The following CFAP299 variants were observed in gnomAD, a reference collection of about 807,000 sequenced individuals.
CFAP299 encodes the protein cilia and flagella associated protein 299.
In CFAP299, 21 loss-of-function variants were observed where a neutral mutation model predicts 27.0. The observed-to-expected ratio is 0.78, with a 90% CI of 0.55 to 1.12. The LOEUF (loss-of-function observed/expected upper bound fraction) is 1.12. CFAP299 is among the 50% of genes most tolerant of loss of function. The probability of loss-of-function intolerance (pLI) is 0.00; values close to 1 mark genes in which losing one functional copy is unlikely to be tolerated. For missense variants in CFAP299, 310 were observed against 276.6 expected, an observed-to-expected ratio of 1.12 and a Z score of -0.86; for synonymous variants, 104 against 98.1, an observed-to-expected ratio of 1.06 and a Z score of -0.36.
chr4:80,882,429 G>C (rs149691223), intron 4 of CFAP299, among the ~76,000 whole-genome samples: 1 of 152,130 alleles, frequency 6.6e-6, no homozygotes, highest in Non-Finnish European at 1.5e-5. Context: ...ACGAGGTCAG[G>C]AGATCGAGAC....
intron 2 of CFAP299, among the ~76,000 whole-genome samples, chr4:80,432,358 G>C (rs1727860178): frequency 6.6e-6 from 1 of 151,808 alleles, no homozygotes; most frequent in Admixed American, 6.6e-5. Context: ...TCACCATGTT[G>C]ATCAGGCTGG....
Position 80,535,372 on chromosome 4 carries a change from G to A in CFAP299, c.243-47721G>A. Among the ~76,000 whole-genome samples, 2 of 127,780 alleles carry A rather than the reference G, an allele frequency of 1.6e-5. 1 individual carries two copies. Among genetic ancestry groups the A allele is most frequent in the South Asian group, 5.2e-4 (2 of 3,832 alleles). The allele number at this position is 127,780 out of a possible 152,430, so 83.8% of individuals were successfully genotyped here. On this transcript the variant is annotated intron_variant, in intron 2 of 5. Coordinates refer to ENST00000358105, the MANE Select transcript of CFAP299 (RefSeq NM_152770.3). Reference sequence around the variant, plus strand: ...TAGCCGGGCGTAGTGGCGGGCGCCTGTAGTCCCAGCTACTTGGGAGGCTGA... The same window carrying A: ...TAGCCGGGCGTAGTGGCGGGCGCCTATAGTCCCAGCTACTTGGGAGGCTGA...
chr4:80,330,313 T>C, the CFAP299 span, among the ~76,000 whole-genome samples: 1 of 152,186 alleles, frequency 6.6e-6, no homozygotes, highest in Non-Finnish European at 1.5e-5. Flanking sequence ...ATAGTTCTGA[T>C]GATCACGTCT....
At chr4:80,575,379 G>T (rs545498389) in intron 2 of CFAP299, among the ~76,000 whole-genome samples, 1 of 150,584 alleles carries the variant, frequency 6.6e-6, no homozygotes, top group South Asian at 2.1e-4. Context: ...AGGCTGGGAT[G>T]CAGTGGCACT....
chr4:80,495,425 G>A (rs1222016105), intron 2 of CFAP299, among the ~76,000 whole-genome samples: 7 of 152,114 alleles, frequency 4.6e-5, no homozygotes, highest in African/African-American at 1.7e-4. Context: ...AGAATTATAT[G>A]TACCCATTTT....
chr4:80,542,702 T>C (rs1734059360), intron 2 of CFAP299, among the ~76,000 whole-genome samples: 1 of 151,962 alleles, frequency 6.6e-6, no homozygotes, highest in Non-Finnish European at 1.5e-5. Flanking sequence ...TAGCCTCACC[T>C]ACCCTGCCAG....
intron 3 of CFAP299, among the ~76,000 whole-genome samples, chr4:80,854,809 TGAA>T (rs1731733989): frequency 1.5e-5 from 1 of 67,892 alleles, no homozygotes; most frequent in Admixed American, 2.1e-4. Context: ...GCTGTTGCTA[TGAA>T]AAAAAAAAAA....
chr4:80,504,880 CT>C (rs1347439776), intron 2 of CFAP299, among the ~76,000 whole-genome samples: 3 of 147,034 alleles, frequency 2.0e-5, no homozygotes, highest in African/African-American at 7.4e-5. Context: ...ATTCATCCCC[CT>C]ATTTTATATG....
chr4:80,427,405 A>G (rs1445567306), intron 2 of CFAP299, among the ~76,000 whole-genome samples: 2 of 152,168 alleles, frequency 1.3e-5, no homozygotes, highest in Non-Finnish European at 2.9e-5. Flanking sequence ...ATTGCTATGC[A>G]ATTATATAAC....
intron 2 of CFAP299, among the ~76,000 whole-genome samples, chr4:80,447,130 G>GTTTTTTTTTTTTTTTTTTTTTTTTTT (rs1553923883): frequency 9.5e-6 from 1 of 105,320 alleles, no homozygotes; most frequent in African/African-American, 4.4e-5. Context: ...TTTTTTTTTT[G>GTTTTTTTTTTTTTTTTTTTTTTTTTT]TTTTTTTTTT....
At chr4:80,770,900 T>A (rs1726174801) in intron 3 of CFAP299, among the ~76,000 whole-genome samples, 1 of 152,192 alleles carries the variant, frequency 6.6e-6, no homozygotes, top group Non-Finnish European at 1.5e-5. Flanking sequence ...CTCCAGCATT[T>A]TCAATCTTTC....
At chr4:80,632,080 T>G (rs567243831) in intron 3 of CFAP299, among the ~76,000 whole-genome samples, 2 of 152,218 alleles carry the variant, frequency 1.3e-5, no homozygotes, top group Admixed American at 1.3e-4. Flanking sequence ...GGCACCCTGA[T>G]CTTAGATTTC....
intron 2 of CFAP299, among the ~76,000 whole-genome samples, chr4:80,410,777 G>A (rs979799281): frequency 3.3e-5 from 5 of 152,168 alleles, no homozygotes; most frequent in African/African-American, 7.2e-5. Context: ...TAGACTAAGA[G>A]AAATTTAATC....
chr4:80,415,652 T>C (rs1726964519), intron 2 of CFAP299, among the ~76,000 whole-genome samples: 1 of 152,162 alleles, frequency 6.6e-6, no homozygotes, highest in South Asian at 2.1e-4. Flanking sequence ...GTTCCAATTA[T>C]TATAATTTCA....
At chr4:80,569,014 A>T (rs554993427) in intron 2 of CFAP299, among the ~76,000 whole-genome samples, 114 of 152,236 alleles carry the variant, frequency 7.5e-4, no homozygotes, top group African/African-American at 2.6e-3. Flanking sequence ...ACATGACCAC[A>T]CTGCCTATCA....
intron 4 of CFAP299, among the ~76,000 whole-genome samples, chr4:80,911,144 T>C (rs1353460732): frequency 1.3e-5 from 2 of 151,854 alleles, no homozygotes; most frequent in Non-Finnish European, 2.9e-5. Flanking sequence ...CATAAGTTGT[T>C]TGTTCCTTTC....
At chr4:80,378,416 A>G (rs1198808473) in intron 2 of CFAP299, among the ~76,000 whole-genome samples, 1 of 151,550 alleles carries the variant, frequency 6.6e-6, no homozygotes, top group African/African-American at 2.4e-5. Flanking sequence ...TTTATTTTTC[A>G]TTCTTTAATG....
chr4:80,651,206 A>G (rs1366581840), intron 3 of CFAP299, among the ~76,000 whole-genome samples: 2 of 151,826 alleles, frequency 1.3e-5, no homozygotes, highest in Non-Finnish European at 2.9e-5. Flanking sequence ...TGAAATGCAG[A>G]TATTTATACT....
intron 3 of CFAP299, among the ~76,000 whole-genome samples, chr4:80,698,195 G>T (rs1560705662): frequency 6.6e-6 from 1 of 152,068 alleles, no homozygotes; most frequent in Non-Finnish European, 1.5e-5. Context: ...TTTATAAAAT[G>T]GGGTAAATAA....
Sources: allele counts gnomAD v4.1 joint callset (sites outside exome capture counted in the v4.1 genomes callset), GRCh38; gene constraint gnomAD v4.1.1; transcripts MANE v1.5; gene names NCBI Gene and HGNC (gene_info 2026-07-23, HGNC 2026-07-21).